The following TRPC5 variants were observed in gnomAD, a reference collection of about 807,000 sequenced individuals.
TRPC5 encodes the protein transient receptor potential cation channel subfamily C member 5.
TRPC5 carries 9 observed loss-of-function variants against 56.5 expected under a neutral mutation model. The ratio of observed to expected loss-of-function variants is 0.16; its 90% CI spans 0.10 to 0.28. The LOEUF (loss-of-function observed/expected upper bound fraction) is 0.28, where lower values mean the gene tolerates loss of function less well. Ranked by LOEUF, TRPC5 falls within the 10% of genes least tolerant of loss-of-function variation. The pLI is 1.00. For synonymous variants in TRPC5, 282 were observed against 278.5 expected (o/e 1.01, Z -0.13); for missense variants, 469 against 748.9 (o/e 0.63, Z 4.36).
At chrX:111,778,845 A>G (rs1283904050) in intron 10 of TRPC5, 140 bp downstream of exon 10, 1 of 397,609 alleles carries the variant, frequency 2.5e-6, no homozygotes, top group Non-Finnish European at 4.3e-6. Flanking sequence ...ATGAGAGACA[A>G]TTCTAAGAGA....
rs890894692 is a variant in TRPC5, at chrX:111,811,595, T to TG, written c.1896+23325dup. Among the ~76,000 whole-genome samples, 11 of 111,365 alleles carry TG rather than the reference T, an allele frequency of 9.9e-5. No homozygotes were observed. The South Asian group carries it at 1.9e-3, about 19-fold the overall frequency. ...GCCACTGTCAAAAGGGCAGAGGTTT[T>TG]GGGGGGGAGTCAAACAACACAGAAC... is the stretch of plus-strand genomic sequence containing the variant. On this transcript the variant is annotated intron_variant, in intron 7 of 10. Transcript: ENST00000262839.
Position 111,769,449 on chromosome X carries a change from C to T in TRPC5, c.*6864G>A, listed in dbSNP as rs1190754507. 9.0e-6 allele frequency among the ~76,000 whole-genome samples: 1 copy of T among 111,440 alleles called. No homozygotes were observed. The highest frequency in any genetic ancestry group is 9.6e-5 in the Admixed American group (1 of 10,410). On this transcript the variant is annotated 3_prime_UTR_variant, in exon 11 of 11. Coordinates refer to ENST00000262839, the MANE Select transcript of TRPC5 (RefSeq NM_012471.3). ...TTATTCATGTAAGGCTACCACTGCT[C>T]CAAGCATAATTGAAACTAGATTCCA...
chrX:111,797,188 C>A (rs752191243), intron 7 of TRPC5, among the ~76,000 whole-genome samples: 13 of 111,701 alleles, frequency 1.2e-4, no homozygotes, highest in African/African-American at 3.9e-4. Flanking sequence ...CAGATTGAGT[C>A]CAATAATGTC....
At chrX:111,905,406 A>G (rs1380649523) in intron 3 of TRPC5, among the ~76,000 whole-genome samples, 1 of 111,856 alleles carries the variant, frequency 8.9e-6, no homozygotes, top group African/African-American at 3.3e-5. Context: ...AAGAAAGAAA[A>G]AATGACTTCT....
intron 1 of TRPC5, among the ~76,000 whole-genome samples, chrX:111,966,143 G>A (rs1392612824): frequency 6.3e-5 from 7 of 110,555 alleles, no homozygotes; most frequent in African/African-American, 2.3e-4. Context: ...ATGATAAAGG[G>A]GATATCACCA....
intron 2 of TRPC5, among the ~76,000 whole-genome samples, chrX:111,946,827 G>A (rs1280088819): frequency 8.9e-6 from 1 of 112,339 alleles, no homozygotes. Context: ...ATTTACACAA[G>A]TAAGGCTAGA....
chrX:112,073,838 G>C (rs1312598321), intron 1 of TRPC5, among the ~76,000 whole-genome samples: 1 of 111,704 alleles, frequency 9.0e-6, no homozygotes, highest in Non-Finnish European at 1.9e-5. Context: ...CCACTTCTCT[G>C]TTACCTAGCA....
chrX:112,062,553 A>C (rs986265754), intron 1 of TRPC5, among the ~76,000 whole-genome samples: 4 of 112,078 alleles, frequency 3.6e-5, no homozygotes, highest in African/African-American at 1.3e-4. Context: ...GCTGGATCTC[A>C]AAGGATAGAT....
chrX:111,936,015 T>C (rs908691544), intron 2 of TRPC5, among the ~76,000 whole-genome samples: 1 of 112,091 alleles, frequency 8.9e-6, no homozygotes, highest in African/African-American at 3.2e-5. Context: ...ATGCCATTGG[T>C]ATTTGCATTT....
intron 4 of TRPC5, among the ~76,000 whole-genome samples, chrX:111,852,669 G>A (rs918988590): frequency 1.8e-5 from 2 of 111,525 alleles, no homozygotes; most frequent in Non-Finnish European, 3.8e-5. Flanking sequence ...ACTTTTCTGG[G>A]TACTACTCTT....
intron 1 of TRPC5, among the ~76,000 whole-genome samples, chrX:112,028,382 C>A (rs1929481256): frequency 9.0e-6 from 1 of 111,188 alleles, no homozygotes; most frequent in Admixed American, 9.6e-5. Flanking sequence ...CGCATCAACT[C>A]ATCATTTACA....
intron 1 of TRPC5, among the ~76,000 whole-genome samples, chrX:112,022,612 G>T (rs760106178): frequency 2.1e-4 from 24 of 112,343 alleles, no homozygotes; most frequent in African/African-American, 7.8e-4. Context: ...TTGTCATGGA[G>T]TGGGACTATG....
At chrX:111,960,899 T>A (rs1018898742) in intron 1 of TRPC5, among the ~76,000 whole-genome samples, 14 of 111,312 alleles carry the variant, frequency 1.3e-4, no homozygotes, top group African/African-American at 4.6e-4. Flanking sequence ...ACAACCTCCA[T>A]CTCCCAGGTT....
At chrX:112,014,445 C>T (rs146138679) in intron 1 of TRPC5, among the ~76,000 whole-genome samples, 2,205 of 112,359 alleles carry the variant, frequency 0.02, 37 homozygotes, top group African/African-American at 0.068. Flanking sequence ...CAAATATATG[C>T]TTGGCTCTTT....
In TRPC5 at chrX:112,055,930, A is replaced by G. The variant is rs150276640; in HGVS notation, c.-22+25949T>C. On this transcript the variant is annotated intron_variant, in intron 1 of 10. Transcript: ENST00000262839. ...CACATTGAAAGGGCTTTTTCTGTCCAGAGATACACAAGAGGCAACCACCAA... is the reference window on the plus strand; with the variant it reads ...CACATTGAAAGGGCTTTTTCTGTCCGGAGATACACAAGAGGCAACCACCAA... 3.1e-3 allele frequency among the ~76,000 whole-genome samples: 338 copies of G among 110,812 alleles called. 6 individuals carry two copies. The East Asian group carries it at 0.076, about 25-fold the overall frequency.
intron 9 of TRPC5, among the ~76,000 whole-genome samples, 181 bp from the exon 10 acceptor site, chrX:111,779,255 G>A (rs1945901812): frequency 9.0e-6 from 1 of 111,704 alleles, no homozygotes; most frequent in African/African-American, 3.3e-5. Context: ...TTGTGTCTCT[G>A]AATTTAGTGG....
At chrX:111,788,802 CTCCCAT>C (rs2148553950) in intron 7 of TRPC5, among the ~76,000 whole-genome samples, 1 of 111,737 alleles carries the variant, frequency 8.9e-6, no homozygotes, top group East Asian at 2.8e-4. Flanking sequence ...CATGAGTGAA[CTCCCAT>C]TCACAATTGC....
At chrX:111,837,292 A>G (rs1333273846) in intron 6 of TRPC5, among the ~76,000 whole-genome samples, 3 of 107,429 alleles carry the variant, frequency 2.8e-5, no homozygotes, top group Non-Finnish European at 5.7e-5. Context: ...TGAGGAAGAC[A>G]TGGGGCTAAG....
rs1310533811 is a variant in TRPC5 at position 111,774,190 on chromosome X, C to T, written c.*2123G>A. On this transcript the variant is annotated 3_prime_UTR_variant, in exon 11 of 11. Coordinates refer to ENST00000262839, the MANE Select transcript of TRPC5 (RefSeq NM_012471.3). ...GGAATACAGTTCCATGTCTGGCTAG[C>T]CTGTTTTCTGACAAGTTGATAAGGT... is the stretch of plus-strand genomic sequence containing the variant. 8 of 111,926 alleles carry T rather than the reference C, an allele frequency of 7.1e-5. No homozygotes were observed. The highest frequency in any genetic ancestry group is 1.5e-4 in the Non-Finnish European group (8 of 53,130). The allele number at this position is 111,926 out of a possible 1,213,427, so 9.2% of individuals were successfully genotyped here. A position where few individuals can be genotyped will look rare whatever the true frequency, so the allele number is the denominator to read the frequency against.
Sources: allele counts gnomAD v4.1 joint callset (sites outside exome capture counted in the v4.1 genomes callset), GRCh38; gene constraint gnomAD v4.1.1; transcripts MANE v1.5; gene names NCBI Gene and HGNC (gene_info 2026-07-23, HGNC 2026-07-21).